Variants in SLC27A2 observed in about 807,000 individuals in gnomAD.
SLC27A2 encodes long-chain fatty acid transport protein 2.
Under a neutral mutation model 60.0 loss-of-function variants are expected in SLC27A2, and 54 were observed. That is an observed-to-expected ratio of 0.90 (90% CI 0.72 to 1.13). The LOEUF (loss-of-function observed/expected upper bound fraction) is 1.13. SLC27A2 is among the 50% of genes most tolerant of loss of function. SLC27A2 has a pLI of 0.00. For missense variants in SLC27A2, 739 were observed against 777.6 expected (o/e 0.95, Z 0.59); for synonymous variants, 297 against 297.6 (o/e 1.00, Z 0.02).
rs5812508 is a variant in SLC27A2 at position 50,203,013 on chromosome 15, T to TA, written c.847+376dup. ...TGGGCAACATAGCAAACCTCATCTCTAAAAAAAATATATATATATATATAT... is the reference window on the plus strand; with the variant it reads ...TGGGCAACATAGCAAACCTCATCTCTAAAAAAAAATATATATATATATATAT... On this transcript the variant is annotated intron_variant, in intron 3 of 9. Coordinates refer to ENST00000267842, the MANE Select transcript of SLC27A2 (RefSeq NM_003645.4). 4.4e-3 allele frequency among the ~76,000 whole-genome samples: 588 copies of TA among 133,090 alleles called. 3 individuals carry two copies. The highest frequency in any genetic ancestry group is 0.013 in the African/African-American group (498 of 37,014). 87.3% of individuals were successfully genotyped at this position (133,090 alleles called of 152,430 possible).
chr15:50,199,875 G>A (rs554970729), intron 2 of SLC27A2, among the ~76,000 whole-genome samples: 84 of 152,286 alleles, frequency 5.5e-4, no homozygotes, highest in African/African-American at 1.9e-3. Context: ...CTACAGTGAC[G>A]TGCCACTACA....
chr15:50,194,009 G>C (rs1000120486), intron 1 of SLC27A2, among the ~76,000 whole-genome samples: 1 of 152,032 alleles, frequency 6.6e-6, no homozygotes, highest in African/African-American at 2.4e-5. Flanking sequence ...AAGTTAGCTG[G>C]GCATGGTACT....
At chr15:50,203,926 T>C (rs2045086693) in intron 3 of SLC27A2, among the ~76,000 whole-genome samples, 1 of 152,058 alleles carries the variant, frequency 6.6e-6, no homozygotes, top group African/African-American at 2.4e-5. Context: ...ACCAGACACC[T>C]TGATCGGGAC....
At position 50,211,189 on chromosome 15, in the gene SLC27A2, G is replaced by A. The variant is rs187123378; in HGVS notation, c.972+5826G>A. Among the ~76,000 whole-genome samples, 5 of 152,276 alleles carry A rather than the reference G, an allele frequency of 3.3e-5. No individual in the cohort carries two copies. The East Asian group carries it at 9.6e-4, about 29-fold the overall frequency. On this transcript the variant is annotated intron_variant, in intron 4 of 9. Coordinates refer to ENST00000267842, the MANE Select transcript of SLC27A2 (RefSeq NM_003645.4). ...GGCAGGAGGCCAACAGCACAAAACA[G>A]GGAATTAAACCACCAAAGTTAAGGA...
chr15:50,196,795 G>A (rs1259190721), intron 1 of SLC27A2, among the ~76,000 whole-genome samples: 7 of 152,078 alleles, frequency 4.6e-5, no homozygotes, highest in African/African-American at 1.7e-4. Flanking sequence ...GAAATTTAGA[G>A]CTTATTTCTC....
At position 50,235,939 on chromosome 15, in the gene SLC27A2, G is replaced by C; in HGVS notation, c.1706G>C (p.Gly569Ala). ...TTTCAGGACACCATTGAGATCACTG[G>C]AACTTTTAAACACCGCAAAATGACC... Reference protein sequence around the residue: ...LRIQDTIEITGTFKHRKMTLV... With the variant: ...LRIQDTIEITATFKHRKMTLV... Residue 569 changes from glycine (G) to alanine (A), a missense_variant, in exon 10 of 10, where the codon GGA becomes GCA. Coordinates refer to ENST00000267842, the MANE Select transcript of SLC27A2 (RefSeq NM_003645.4). The C allele has an allele frequency of 6.2e-7, 1 of 1,612,376 alleles. No homozygotes were observed. The highest frequency in any genetic ancestry group is 8.5e-7 in the Non-Finnish European group (1 of 1,179,064).
intron 4 of SLC27A2, among the ~76,000 whole-genome samples, chr15:50,208,348 G>A (rs929730509): frequency 6.6e-6 from 1 of 152,210 alleles, no homozygotes; most frequent in African/African-American, 2.4e-5. Flanking sequence ...AAGTAATGCT[G>A]AGAGCAAGTA....
At chr15:50,199,243 G>A (rs2045046637) in intron 2 of SLC27A2, among the ~76,000 whole-genome samples, 1 of 151,808 alleles carries the variant, frequency 6.6e-6, no homozygotes, top group South Asian at 2.1e-4. Flanking sequence ...GGGAGGCCGA[G>A]GCAGGCAGAT....
At chr15:50,225,309 A>T (rs565625596) in intron 5 of SLC27A2, among the ~76,000 whole-genome samples, 53 of 152,318 alleles carry the variant, frequency 3.5e-4, no homozygotes, top group Admixed American at 7.8e-4. Flanking sequence ...TATTGCTCTT[A>T]CTGAATTGCT....
chr15:50,235,901 A>C lies in SLC27A2; in HGVS notation c.1687-19A>C. The stretch of plus-strand genomic sequence containing the variant: ...ATTGCAAAATGCAACCAAAATGTGG[A>C]TTATTTGATGTTTTTCAGGACACCA... On this transcript the variant is annotated intron_variant, in intron 9 of 9. Transcript: ENST00000267842. 1.9e-6 allele frequency: 3 copies of C among 1,595,692 alleles called. No individual in the cohort carries two copies. Among genetic ancestry groups the C allele is most frequent in the Non-Finnish European group, 2.6e-6 (3 of 1,167,144 alleles).
At chr15:50,196,443 G>A (rs1005116078) in intron 1 of SLC27A2, among the ~76,000 whole-genome samples, 1 of 151,922 alleles carries the variant, frequency 6.6e-6, no homozygotes, top group Admixed American at 6.6e-5. Context: ...TGTGTACTAG[G>A]CATTTTTCAA....
chr15:50,182,507 T>C lies in SLC27A2; in HGVS notation c.80T>C (p.Phe27Ser). Residue 27 changes from phenylalanine to serine, a missense_variant, in exon 1 of 10, where the codon TTC (phenylalanine) becomes TCC (serine). Physicochemically the swap from Phe to Ser is radical, Grantham distance 155. Transcript: ENST00000267842. Reference protein sequence around the residue: ...LLVNLCCPYFFQDIGYFLKVA... With the variant: ...LLVNLCCPYFSQDIGYFLKVA... ...GTGAACCTCTGCTGCCCATACTTCT[T>C]CCAGGACATAGGCTACTTCTTGAAG... is the stretch of plus-strand genomic sequence containing the variant. 6.2e-7 allele frequency: 1 copy of C among 1,612,324 alleles called. No homozygotes were observed. Among genetic ancestry groups the C allele is most frequent in the Non-Finnish European group, 8.5e-7 (1 of 1,179,302 alleles).
intron 4 of SLC27A2, among the ~76,000 whole-genome samples, chr15:50,216,108 G>T (rs147806167): frequency 0.015 from 2,257 of 152,020 alleles, 33 homozygotes; most frequent in South Asian, 0.029. Flanking sequence ...ACTCAAATCA[G>T]TAAGAGAAAA....
intron 1 of SLC27A2, among the ~76,000 whole-genome samples, chr15:50,189,025 A>AGATAGATG (rs1555500193): frequency 1.3e-5 from 2 of 149,484 alleles, no homozygotes; most frequent in Non-Finnish European, 1.5e-5. Context: ...ATAGATAGAT[A>AGATAGATG]GATGCATACA....
chr15:50,184,045 C>G (rs1455900171), intron 1 of SLC27A2, among the ~76,000 whole-genome samples: 1 of 127,888 alleles, frequency 7.8e-6, no homozygotes, highest in Non-Finnish European at 1.6e-5. Context: ...GGCTGGAGTG[C>G]AGTGGCGCTA....
intron 1 of SLC27A2, among the ~76,000 whole-genome samples, chr15:50,193,869 A>G (rs913789591): frequency 1.3e-5 from 2 of 152,178 alleles, no homozygotes; most frequent in Non-Finnish European, 2.9e-5. Flanking sequence ...AATGAATTAA[A>G]CCACATCCAC....
chr15:50,205,765 G>C (rs926367438), intron 4 of SLC27A2, among the ~76,000 whole-genome samples: 1 of 152,122 alleles, frequency 6.6e-6, no homozygotes, highest in African/African-American at 2.4e-5. Flanking sequence ...TGTGGCCCTT[G>C]TCATGTTGCA....
At chr15:50,232,175 A>G (rs1331671823) in intron 8 of SLC27A2, among the ~76,000 whole-genome samples, 2 of 152,214 alleles carry the variant, frequency 1.3e-5, no homozygotes. Context: ...TGCACAAGGC[A>G]ATCACACACC....
At chr15:50,202,428 C>T in intron 2 of SLC27A2, 59 bp from the exon 3 acceptor site, 1 of 1,562,546 alleles carries the variant, frequency 6.4e-7, no homozygotes, top group Non-Finnish European at 8.8e-7. Flanking sequence ...AGATCTCTCT[C>T]CTACACTGTA....
Sources: gnomAD v4.1 joint callset for allele counts (sites outside exome capture counted in the v4.1 genomes callset) on GRCh38, gnomAD v4.1.1 for gene constraint, MANE v1.5 for transcripts, NCBI Gene and HGNC (gene_info 2026-07-23, HGNC 2026-07-21) for gene names.